The following SEMA5A variants were observed in gnomAD, a reference collection of about 807,000 sequenced individuals.
SEMA5A encodes the protein semaphorin-5A.
Under a neutral mutation model 135.5 loss-of-function variants are expected in SEMA5A, and 55 were observed. The ratio of observed to expected loss-of-function variants is 0.41; its 90% confidence interval spans 0.33 to 0.51. The LOEUF (loss-of-function observed/expected upper bound fraction) is 0.51. Among genes scored for constraint, SEMA5A ranks in the 20% least tolerant of loss-of-function variants. The pLI is 0.37. For synonymous variants in SEMA5A, 580 were observed against 546.5 expected (o/e 1.06, Z -0.85); for missense variants, 1,290 against 1,419.9 (o/e 0.91, Z 1.47).
intron 11 of SEMA5A, among the ~76,000 whole-genome samples, chr5:9,176,097 T>G (rs1744189701): frequency 6.6e-6 from 1 of 152,170 alleles, no homozygotes; most frequent in Admixed American, 6.5e-5. Context: ...GATAAAAGAT[T>G]ACAAATAAGT....
intron 8 of SEMA5A, among the ~76,000 whole-genome samples, chr5:9,221,059 T>A (rs1746923071): frequency 1.3e-5 from 2 of 152,140 alleles, no homozygotes; most frequent in Non-Finnish European, 2.9e-5. Context: ...CAGGAAGACC[T>A]ACGCCTTCAC....
At chr5:9,377,906 A>T (rs1755432871) in intron 3 of SEMA5A, among the ~76,000 whole-genome samples, 1 of 152,216 alleles carries the variant, frequency 6.6e-6, no homozygotes, top group African/African-American at 2.4e-5. Flanking sequence ...TAAAAGGAAT[A>T]GGAACATCTT....
At chr5:9,061,182 C>T in intron 18 of SEMA5A, among the ~76,000 whole-genome samples, 1 of 152,034 alleles carries the variant, frequency 6.6e-6, no homozygotes, top group East Asian at 1.9e-4. Context: ...AGGATGCACT[C>T]TCCCTAAACT....
intron 15 of SEMA5A, among the ~76,000 whole-genome samples, chr5:9,109,009 G>C (rs1385523505): frequency 7.0e-6 from 1 of 141,982 alleles, no homozygotes; most frequent in Non-Finnish European, 1.5e-5. Flanking sequence ...CTTATCATGA[G>C]TCATATTATT....
At chr5:9,518,675 T>C (rs952224627) in intron 1 of SEMA5A, among the ~76,000 whole-genome samples, 2 of 152,234 alleles carry the variant, frequency 1.3e-5, no homozygotes, top group Non-Finnish European at 2.9e-5. Flanking sequence ...GATGTTCCTG[T>C]ATCCCTCCCC....
intron 12 of SEMA5A, among the ~76,000 whole-genome samples, chr5:9,138,981 T>C (rs1255667417): frequency 1.3e-5 from 2 of 152,244 alleles, no homozygotes; most frequent in African/African-American, 4.8e-5. Context: ...TCACAGTTTC[T>C]TCAACCTCTC....
intron 1 of SEMA5A, among the ~76,000 whole-genome samples, chr5:9,441,645 C>T (rs1758239564): frequency 6.6e-6 from 1 of 152,136 alleles, no homozygotes; most frequent in Admixed American, 6.5e-5. Flanking sequence ...ATGCTCAAGT[C>T]CCTGGAGGAA....
chr5:9,324,108 G>A (rs924200907), intron 4 of SEMA5A, among the ~76,000 whole-genome samples: 17 of 150,468 alleles, frequency 1.1e-4, no homozygotes, highest in Non-Finnish European at 2.2e-4. Context: ...TCGCTCTTCC[G>A]CCCAGGCCAG....
intron 1 of SEMA5A, among the ~76,000 whole-genome samples, chr5:9,458,032 C>A (rs1758910552): frequency 6.6e-6 from 1 of 151,668 alleles, no homozygotes; most frequent in South Asian, 2.1e-4. Context: ...CTCAGCCTCC[C>A]CAGTAGCTGG....
chr5:9,517,886 G>A (rs1736615280), intron 1 of SEMA5A: 1 of 152,136 alleles, frequency 6.6e-6, no homozygotes, highest in African/African-American at 2.4e-5. Flanking sequence ...ATAGAGGATT[G>A]TTCTCCCTTC....
At chr5:9,066,380 T>A (rs1027421215) in intron 17 of SEMA5A, 41 bp downstream of exon 17, 2 of 1,589,088 alleles carry the variant, frequency 1.3e-6, no homozygotes, top group Admixed American at 3.3e-5. Context: ...TCAAAGGCCC[T>A]TCCATGGAAG....
intron 12 of SEMA5A, among the ~76,000 whole-genome samples, chr5:9,153,954 G>A (rs931202438): frequency 4.7e-5 from 7 of 148,826 alleles, no homozygotes; most frequent in African/African-American, 1.0e-4. Flanking sequence ...GCTGAGGCAC[G>A]AGAATCACTT....
At chr5:9,305,713 T>A (rs1751830552) in intron 5 of SEMA5A, among the ~76,000 whole-genome samples, 1 of 121,284 alleles carries the variant, frequency 8.2e-6, no homozygotes, top group African/African-American at 3.4e-5. Flanking sequence ...TGTGCGTATA[T>A]ATATATATAT....
intron 2 of SEMA5A, among the ~76,000 whole-genome samples, chr5:9,407,242 A>G (rs529089690): frequency 5.3e-5 from 8 of 152,350 alleles, no homozygotes; most frequent in African/African-American, 1.7e-4. Context: ...TGTAACAAGT[A>G]GACTAAACAT....
At position 9,299,357 on chromosome 5, in the gene SEMA5A, C is replaced by T. The variant is rs377262367; in HGVS notation, c.270+19015G>A. Among the ~76,000 whole-genome samples, 249 of 152,156 alleles carry T rather than the reference C, an allele frequency of 1.6e-3. 13 individuals are homozygous for T. In the South Asian group the frequency reaches 0.05, roughly 30 times the overall value. On this transcript the variant is annotated intron_variant, in intron 5 of 22. Transcript: ENST00000382496. ...AGTATAGACAGAAGATGTTCAGTGT[C>T]GAGCAAAAGAAATAGCAAGTGGAGA...
chr5:9,268,108 G>T (rs1216517156), intron 5 of SEMA5A, among the ~76,000 whole-genome samples: 2 of 152,070 alleles, frequency 1.3e-5, no homozygotes, highest in Admixed American at 1.3e-4. Flanking sequence ...TATAGTAGTT[G>T]GTTCTTGTTG....
At chr5:9,057,166 C>T (rs536354626) in intron 18 of SEMA5A, among the ~76,000 whole-genome samples, 1 of 152,238 alleles carries the variant, frequency 6.6e-6, no homozygotes, top group East Asian at 1.9e-4. Flanking sequence ...TATAAACTTC[C>T]AGTTATTCAA....
At chr5:9,303,142 A>G (rs1257232064) in intron 5 of SEMA5A, among the ~76,000 whole-genome samples, 8 of 149,790 alleles carry the variant, frequency 5.3e-5, no homozygotes, top group African/African-American at 2.0e-4. Context: ...TTTGAGACAG[A>G]GTCTCGCTCT....
At chr5:9,190,698 A>G (rs547457591) in intron 10 of SEMA5A, among the ~76,000 whole-genome samples, 3 of 152,298 alleles carry the variant, frequency 2.0e-5, no homozygotes, top group African/African-American at 7.2e-5. Flanking sequence ...ATCATCATAA[A>G]TGAACTGATC....
Sources: allele counts gnomAD v4.1 joint callset (sites outside exome capture counted in the v4.1 genomes callset), GRCh38; gene constraint gnomAD v4.1.1; transcripts MANE v1.5; gene names NCBI Gene and HGNC (gene_info 2026-07-23, HGNC 2026-07-21).